Variants in TTC29 observed in about 807,000 individuals in gnomAD.
TTC29 encodes tetratricopeptide repeat domain 29.
A neutral mutation model predicts 58.1 loss-of-function variants in TTC29; 49 were observed. The ratio of observed to expected loss-of-function variants is 0.84; its 90% CI spans 0.67 to 1.07. The LOEUF (loss-of-function observed/expected upper bound fraction) is 1.07, where lower values mean the gene tolerates loss of function less well. Among genes scored for constraint, TTC29 ranks in the 50% least tolerant of loss-of-function variants. TTC29 has a pLI of 0.00. For missense variants in TTC29, 582 were observed against 555.6 expected (o/e 1.05, Z -0.48); for synonymous variants, 209 against 196.8 (o/e 1.06, Z -0.52).
In TTC29 at chr4:146,787,170, G is replaced by A. The variant is rs1211950114; in HGVS notation, c.1330+16287C>T. On this transcript the variant is annotated intron_variant, in intron 11 of 12. Transcript: ENST00000325106. ...GAGAGCTAAAGAACTACCTAGTAAGGATGAAAAATTGTTCAAAATAATATG... is the reference window on the plus strand; with the variant it reads ...GAGAGCTAAAGAACTACCTAGTAAGAATGAAAAATTGTTCAAAATAATATG... Among the ~76,000 whole-genome samples the A allele has an allele frequency of 2.0e-5, 3 of 152,224 alleles. No homozygotes were observed. The East Asian group carries it at 5.8e-4, about 29-fold the overall frequency.
chr4:146,895,686 T>C (rs1732722965), intron 6 of TTC29, among the ~76,000 whole-genome samples: 2 of 152,128 alleles, frequency 1.3e-5, no homozygotes, highest in Admixed American at 6.5e-5. Flanking sequence ...TTAGAACAGA[T>C]TAAAGCTCTA....
intron 11 of TTC29, among the ~76,000 whole-genome samples, chr4:146,708,308 TTATA>T (rs59963230): frequency 0.017 from 1,048 of 61,888 alleles, 8 homozygotes; most frequent in African/African-American, 0.037. Context: ...TATGGGAAGT[TTATA>T]TATATATATA....
chr4:146,850,710 A>G (rs1479058114), intron 8 of TTC29, among the ~76,000 whole-genome samples: 1 of 152,236 alleles, frequency 6.6e-6, no homozygotes, highest in Admixed American at 6.5e-5. Flanking sequence ...AACATATTAC[A>G]AAAAACAATT....
At chr4:146,787,202 A>T (rs934153476) in intron 11 of TTC29, among the ~76,000 whole-genome samples, 2 of 152,222 alleles carry the variant, frequency 1.3e-5, no homozygotes, top group African/African-American at 2.4e-5. Flanking sequence ...TATGAAGGTG[A>T]TGGTACATGA....
Position 146,739,276 on chromosome 4 carries a change from T to C in TTC29, c.1331-31725A>G, listed in dbSNP as rs57906949. On this transcript the variant is annotated intron_variant, in intron 11 of 12. Transcript: ENST00000325106. ...GCTATAGGAGATGATTTTCTGCCTT[T>C]ACTGAGGAAAGAAAAAATAAAATTT... is the stretch of plus-strand genomic sequence containing the variant. 2.0e-5 allele frequency among the ~76,000 whole-genome samples: 3 copies of C among 152,298 alleles called. No individual in the cohort carries two copies. The East Asian group carries it at 5.8e-4, about 29-fold the overall frequency.
At chr4:146,902,887 A>G (rs952474558) in intron 6 of TTC29, among the ~76,000 whole-genome samples, 3 of 152,188 alleles carry the variant, frequency 2.0e-5, no homozygotes, top group Non-Finnish European at 4.4e-5. Context: ...AAAATGAGAT[A>G]GTGTTTTGAG....
intron 11 of TTC29, among the ~76,000 whole-genome samples, chr4:146,774,361 G>A (rs540864269): frequency 6.6e-6 from 1 of 152,132 alleles, no homozygotes; most frequent in South Asian, 2.1e-4. Context: ...TGATGTGGGT[G>A]TTCAGCCTAT....
intron 8 of TTC29, among the ~76,000 whole-genome samples, chr4:146,854,594 G>T (rs1206212470): frequency 2.0e-5 from 3 of 151,862 alleles, no homozygotes; most frequent in Non-Finnish European, 4.4e-5. Flanking sequence ...CCCTCCATAA[G>T]CCCTCTCTAA....
chr4:146,925,621 G>C (rs1262826526), intron 4 of TTC29, among the ~76,000 whole-genome samples: 1 of 152,044 alleles, frequency 6.6e-6, no homozygotes, highest in Non-Finnish European at 1.5e-5. Flanking sequence ...ACATTGATGT[G>C]GAAAAACCTT....
At chr4:146,920,101 G>A (rs908604027) in intron 4 of TTC29, among the ~76,000 whole-genome samples, 6 of 150,948 alleles carry the variant, frequency 4.0e-5, no homozygotes, top group South Asian at 2.1e-4. Context: ...TTTGAAAGGA[G>A]GAAGTAGATA....
At chr4:146,788,195 A>G (rs1416491732) in intron 11 of TTC29, among the ~76,000 whole-genome samples, 1 of 152,230 alleles carries the variant, frequency 6.6e-6, no homozygotes, top group East Asian at 1.9e-4. Flanking sequence ...ATGCTTTCCC[A>G]GGAACACATA....
At chr4:146,924,318 G>A (rs878962232) in intron 4 of TTC29, among the ~76,000 whole-genome samples, 4 of 151,842 alleles carry the variant, frequency 2.6e-5, no homozygotes, top group East Asian at 1.9e-4. Context: ...TGAAGAGTTC[G>A]TGTTGAGTTT....
intron 11 of TTC29, among the ~76,000 whole-genome samples, chr4:146,710,179 T>G (rs1314221066): frequency 6.6e-6 from 1 of 152,068 alleles, no homozygotes. Flanking sequence ...CATCACAGAG[T>G]GTACTTACAC....
chr4:146,869,334 G>A (rs1322239144), intron 7 of TTC29, among the ~76,000 whole-genome samples: 1 of 152,144 alleles, frequency 6.6e-6, no homozygotes, highest in Non-Finnish European at 1.5e-5. Context: ...AAATAGGATG[G>A]CAAATGCCAG....
intron 9 of TTC29, among the ~76,000 whole-genome samples, chr4:146,826,711 C>A (rs1436581900): frequency 6.6e-6 from 1 of 152,092 alleles, no homozygotes; most frequent in Non-Finnish European, 1.5e-5. Flanking sequence ...TATTTTCCAG[C>A]TTGTTTCCAT....
chr4:146,819,310 C>T (rs1217801409), intron 10 of TTC29, among the ~76,000 whole-genome samples: 3 of 152,016 alleles, frequency 2.0e-5, no homozygotes, highest in African/African-American at 7.2e-5. Flanking sequence ...TTAACTCAAG[C>T]AGTGTGGTTT....
intron 6 of TTC29, among the ~76,000 whole-genome samples, chr4:146,893,536 G>C (rs1398208593): frequency 2.0e-5 from 3 of 152,068 alleles, no homozygotes; most frequent in Non-Finnish European, 4.4e-5. Context: ...ATTAATTCAA[G>C]ATGGATTAAA....
chr4:146,709,392 T>G (rs1742321729), intron 11 of TTC29, among the ~76,000 whole-genome samples: 1 of 152,118 alleles, frequency 6.6e-6, no homozygotes, highest in South Asian at 2.1e-4. Flanking sequence ...TTCTACCACC[T>G]TTTCATTGTT....
chr4:146,806,916 C>A (rs1456091087), intron 10 of TTC29, among the ~76,000 whole-genome samples: 2 of 152,136 alleles, frequency 1.3e-5, no homozygotes, highest in Non-Finnish European at 2.9e-5. Context: ...ACTCTCCACC[C>A]CAAATCAACA....
Sources: allele counts gnomAD v4.1 joint callset (sites outside exome capture counted in the v4.1 genomes callset), GRCh38; gene constraint gnomAD v4.1.1; transcripts MANE v1.5; gene names NCBI Gene and HGNC (gene_info 2026-07-23, HGNC 2026-07-21).